The following PTPRS variants were observed in gnomAD, a reference collection of about 807,000 sequenced individuals.
PTPRS encodes the protein receptor-type tyrosine-protein phosphatase S.
Under a neutral mutation model 215.3 loss-of-function variants are expected in PTPRS, and 63 were observed. The ratio of observed to expected loss-of-function variants is 0.29; its 90% confidence interval spans 0.24 to 0.36. PTPRS has a LOEUF of 0.36. Among genes scored for constraint, PTPRS ranks in the 10% least tolerant of loss-of-function variants. PTPRS has a pLI of 1.00. For missense variants in PTPRS, 2,258 were observed against 2,825.8 expected (o/e 0.80, Z 4.56); for synonymous variants, 1,404 against 1,191.4 (o/e 1.18, Z -3.68).
chr19:5,303,943 T>G (rs2049383764), intron 1 of PTPRS, among the ~76,000 whole-genome samples: 1 of 52,262 alleles, frequency 1.9e-5, no homozygotes, highest in Non-Finnish European at 3.6e-5. Flanking sequence ...ACAGCGAGAC[T>G]CTGTCTCAAA....
rs781666531 is a variant in PTPRS at position 5,265,225 on chromosome 19, C to T, written c.380-29G>A. 20 of 1,600,460 alleles carry T rather than the reference C, an allele frequency of 1.2e-5. No individual in the cohort carries two copies. The South Asian group carries it at 1.6e-4, about 12-fold the overall frequency. On this transcript the variant is annotated intron_variant, in intron 4 of 37. Transcript: ENST00000262963. ...AGGGCAGAGACGTGAGAGAAATGGG[C>T]ATGGTTCTGAGCACTGCACAGCCAC...
chr19:5,206,852 C>G lies in PTPRS; in HGVS notation c.5779-10G>C. 1.2e-6 allele frequency: 2 copies of G among 1,613,818 alleles called. No individual in the cohort carries two copies. Among genetic ancestry groups the G allele is most frequent in the Non-Finnish European group, 1.7e-6 (2 of 1,179,768 alleles). On this transcript the variant is annotated splice_polypyrimidine_tract_variant and intron_variant, in intron 37 of 37. Transcript: ENST00000262963. ...AGAACTGGTACTCATCCTGGGGGAG[C>G]AGAGGTGACCTGTTAGTACCTCCGC...
At position 5,222,720 on chromosome 19, in the gene PTPRS, G is replaced by C. The variant is rs550094738; in HGVS notation, c.3072C>G (p.Pro1024=). Residue 1024 remains proline, a synonymous_variant, in exon 18 of 38, where the codon CCC becomes CCG. Transcript: ENST00000262963. ...CCCGCAGGAACGTCCGGTAGCGGACGGGGGGGCTGAAGGGGCCAGGGCCCC... is the reference window on the plus strand; with the variant it reads ...CCCGCAGGAACGTCCGGTAGCGGACCGGGGGGCTGAAGGGGCCAGGGCCCC... ...TRRGPGPFSP[P]VRYRTFLRDQ... The C allele has an allele frequency of 1.0e-5, 16 of 1,594,132 alleles. No individual in the cohort carries two copies. Among genetic ancestry groups the C allele is most frequent in the Admixed American group, 3.4e-5 (2 of 59,242 alleles).
intron 5 of PTPRS, among the ~76,000 whole-genome samples, chr19:5,264,159 G>A (rs557355741): frequency 7.7e-5 from 3 of 39,196 alleles, no homozygotes; most frequent in Non-Finnish European, 1.7e-4. Flanking sequence ...CTGAAGCCCC[G>A]CCATCACCTC....
intron 1 of PTPRS, among the ~76,000 whole-genome samples, chr19:5,299,585 C>A (rs2049240813): frequency 2.0e-5 from 3 of 152,146 alleles, no homozygotes; most frequent in Admixed American, 2.0e-4. Flanking sequence ...ACAAGAACCA[C>A]TAGTGGCTGG....
intron 18 of PTPRS, 126 bp downstream of exon 18, chr19:5,222,563 G>T: frequency 8.6e-7 from 1 of 1,159,872 alleles, no homozygotes; most frequent in Non-Finnish European, 1.2e-6. Flanking sequence ...GTCCGGACTT[G>T]CCTTGAGTGA....
intron 26 of PTPRS, among the ~76,000 whole-genome samples, chr19:5,216,122 ATGTG>A (rs1224757735): frequency 6.6e-6 from 1 of 152,028 alleles, no homozygotes; most frequent in Non-Finnish European, 1.5e-5. Context: ...GGGAAACAGT[ATGTG>A]TGTGTGTACG....
chr19:5,232,657 A>G (rs1301428163), intron 13 of PTPRS, among the ~76,000 whole-genome samples: 1 of 150,682 alleles, frequency 6.6e-6, no homozygotes, highest in African/African-American at 2.4e-5. Flanking sequence ...GCATCATGCC[A>G]AGGGGAATGG....
Position 5,257,664 on chromosome 19 carries a change from T to C in PTPRS, c.706+353A>G, listed in dbSNP as rs940990634. Among the ~76,000 whole-genome samples, 1 of 151,544 alleles carries C rather than the reference T, an allele frequency of 6.6e-6. No individual in the cohort carries two copies. Among genetic ancestry groups the C allele is most frequent in the Non-Finnish European group, 1.5e-5 (1 of 67,848 alleles). ...AACTCGGGTGGGCAGGCAGGTGGGG[T>C]GGGGCGGGGCAGAGGCCTGCAGGCT... is the stretch of plus-strand genomic sequence containing the variant. On this transcript the variant is annotated intron_variant, in intron 8 of 37. Coordinates refer to ENST00000262963, the MANE Select transcript of PTPRS (RefSeq NM_002850.4). The surrounding 1 kb of genome is among the most constrained non-coding windows in gnomAD (Gnocchi z 4.4).
At chr19:5,207,803 A>G in intron 37 of PTPRS, 119 bp downstream of exon 37, 1 of 1,431,284 alleles carries the variant, frequency 7.0e-7, no homozygotes, top group South Asian at 1.3e-5. Context: ...TGGACCGTCT[A>G]CCCACAGTGA....
intron 9 of PTPRS, among the ~76,000 whole-genome samples, chr19:5,253,765 A>G (rs942889742): frequency 3.3e-5 from 5 of 152,240 alleles, no homozygotes; most frequent in Admixed American, 1.3e-4. Flanking sequence ...TGTGAAGTAC[A>G]TAACAGGGAA....
At chr19:5,309,322 T>C (rs1331007977) in intron 1 of PTPRS, among the ~76,000 whole-genome samples, 1 of 152,178 alleles carries the variant, frequency 6.6e-6, no homozygotes, top group East Asian at 1.9e-4. Flanking sequence ...TCTAGCCCCA[T>C]CCAGCCCCAA....
chr19:5,231,564 G>GTCA lies in PTPRS; in HGVS notation c.1900_1901insTGA (p.Ala634delinsValThr). 6.2e-7 allele frequency: 1 copy of GTCA among 1,605,248 alleles called. No individual in the cohort carries two copies. Among genetic ancestry groups the GTCA allele is most frequent in the Non-Finnish European group, 8.5e-7 (1 of 1,178,446 alleles). On this transcript the variant is annotated protein_altering_variant, in exon 14 of 38. Transcript: ENST00000262963. The stretch of plus-strand genomic sequence containing the variant: ...CGGCGGGCGCCAACTTACCAAAATG[G>GTCA]CCGTGGAGCGCACGCTGACACATTT...
chr19:5,222,619 G>C, intron 18 of PTPRS, 70 bp downstream of exon 18: 2 of 1,416,822 alleles, frequency 1.4e-6, no homozygotes, highest in Non-Finnish European at 1.8e-6. Context: ...CAGGGGAGAG[G>C]GAGGGGGCTG....
At chr19:5,326,434 T>C (rs1273229550) in intron 1 of PTPRS, among the ~76,000 whole-genome samples, 2 of 152,196 alleles carry the variant, frequency 1.3e-5, no homozygotes, top group African/African-American at 4.8e-5. Flanking sequence ...ATTTTTAAGG[T>C]TGTACCTTCA....
At chr19:5,215,471 G>A in intron 27 of PTPRS, 27 bp downstream of exon 27, 1 of 1,607,800 alleles carries the variant, frequency 6.2e-7, no homozygotes, top group South Asian at 1.1e-5. Context: ...CCGAGGTGAT[G>A]AGGGTGGGAG....
chr19:5,289,101 A>G, intron 1 of PTPRS, among the ~76,000 whole-genome samples: 1 of 152,020 alleles, frequency 6.6e-6, no homozygotes, highest in East Asian at 1.9e-4. Context: ...CAAAGACAAA[A>G]CATCCCGGGG....
chr19:5,335,268 C>G (rs2050458056), intron 1 of PTPRS, among the ~76,000 whole-genome samples: 1 of 152,200 alleles, frequency 6.6e-6, no homozygotes, highest in Non-Finnish European at 1.5e-5. Context: ...CCAGGGGAGG[C>G]ATGTTTACCC....
In PTPRS at chr19:5,231,427, G is replaced by C. The variant is rs1313475733; in HGVS notation, c.2038C>G (p.Gln680Glu). Residue 680 changes from glutamine to glutamate, a missense_variant, in exon 14 of 38, where the codon CAG becomes GAG. Gln to Glu is a conservative substitution (Grantham distance 29). Coordinates refer to ENST00000262963, the MANE Select transcript of PTPRS (RefSeq NM_002850.4). Reference protein sequence around the residue: ...EVNGIPPTTTQILLEALEKWT... With the variant: ...EVNGIPPTTTEILLEALEKWT... ...TTCTCCAAGGCCTCCAGCAGGATCT[G>C]AGTGGTGGTCGGGGGGATGCCGTTC... 2 of 1,613,232 alleles carry C rather than the reference G, an allele frequency of 1.2e-6. No homozygotes were observed. The highest frequency in any genetic ancestry group is 2.2e-5 in the East Asian group (1 of 44,838).
Sources: allele counts gnomAD v4.1 joint callset (sites outside exome capture counted in the v4.1 genomes callset), GRCh38; gene constraint gnomAD v4.1.1; non-coding constraint Gnocchi (gnomAD v3.1); transcripts MANE v1.5; gene names NCBI Gene and HGNC (gene_info 2026-07-23, HGNC 2026-07-21).